MAT2B: variants seen among roughly 807,000 people sequenced by gnomAD.
MAT2B encodes methionine adenosyltransferase 2 subunit beta.
MAT2B carries 16 observed loss-of-function variants against 36.1 expected under a neutral mutation model. The ratio of observed to expected loss-of-function variants is 0.44; its 90% CI spans 0.30 to 0.67. MAT2B has a LOEUF of 0.67. Among genes scored for constraint, MAT2B ranks in the 30% least tolerant of loss-of-function variants. MAT2B has a pLI of 0.09. For synonymous variants in MAT2B, 148 were observed against 136.9 expected, an observed-to-expected ratio of 1.08 and a Z score of -0.57; for missense variants, 332 against 398.2, an observed-to-expected ratio of 0.83 and a Z score of 1.42.
chr5:163,517,848 G>A, intron 6 of MAT2B, 174 bp downstream of exon 6: 1 of 521,606 alleles, frequency 1.9e-6, no homozygotes, highest in South Asian at 3.2e-5. Flanking sequence ...GAGTATTGAA[G>A]TTTGTAGAAA....
At chr5:163,503,391 A>G, upstream of MAT2B, 1 of 1,613,940 alleles carries the variant, frequency 6.2e-7, no homozygotes, top group Non-Finnish European at 8.5e-7. Flanking sequence ...ATAATTCTGG[A>G]GTCATGCCTG....
intron 4 of MAT2B, among the ~76,000 whole-genome samples, chr5:163,515,565 CTATT>C (rs1331602401): frequency 6.6e-6 from 1 of 152,040 alleles, no homozygotes; most frequent in Non-Finnish European, 1.5e-5. Context: ...AAATACAAAT[CTATT>C]TAGGAATTTT....
At chr5:163,514,035 C>A in intron 4 of MAT2B, 41 bp downstream of exon 4, 1 of 1,538,340 alleles carries the variant, frequency 6.5e-7, no homozygotes. Context: ...TTTTTGAAGA[C>A]TTTAAAAATC....
In MAT2B at chr5:163,512,177, A is replaced by C; in HGVS notation, c.239A>C (p.His80Pro). The C allele has an allele frequency of 6.2e-7, 1 of 1,613,990 alleles. No individual in the cohort carries two copies. Among genetic ancestry groups the C allele is most frequent in the Non-Finnish European group, 8.5e-7 (1 of 1,179,822 alleles). Residue 80 changes from histidine (H) to proline (P), a missense_variant, in exon 2 of 7, where the codon CAC becomes CCC. By Grantham distance (77) the His-to-Pro change is moderately conservative. Coordinates refer to ENST00000321757, the MANE Select transcript of MAT2B (RefSeq NM_013283.5). ...CTGTTGGATTCTAATGCAGTTCATCACATCATTCATGATTTTCAGGTATGA... is the reference window on the plus strand; with the variant it reads ...CTGTTGGATTCTAATGCAGTTCATCCCATCATTCATGATTTTCAGGTATGA... Reference protein sequence around the residue: ...VNLLDSNAVHHIIHDFQPHVI... With the variant: ...VNLLDSNAVHPIIHDFQPHVI...
intron 4 of MAT2B, among the ~76,000 whole-genome samples, chr5:163,514,693 A>G (rs1275639297): frequency 6.6e-6 from 1 of 152,152 alleles, no homozygotes; most frequent in Non-Finnish European, 1.5e-5. Flanking sequence ...GTGGCTGCGT[A>G]GTACTTAATT....
rs1300477439 is a variant in MAT2B, at chr5:163,516,724, C to T, written c.720+13C>T. 3.1e-6 allele frequency: 5 copies of T among 1,613,842 alleles called. No homozygotes were observed. The highest frequency in any genetic ancestry group is 4.2e-6 in the Non-Finnish European group (5 of 1,179,756). On this transcript the variant is annotated intron_variant, in intron 5 of 6. Coordinates refer to ENST00000321757, the MANE Select transcript of MAT2B (RefSeq NM_013283.5). ...GAAGAGAATGCTGGTAAGAAGGATT[C>T]CTGAGTCCTGTCTTAGCGAAGGTCC...
In MAT2B at chr5:163,514,001, C is replaced by A; in HGVS notation, c.526+7C>A. 6.2e-7 allele frequency: 1 copy of A among 1,607,334 alleles called. No individual in the cohort carries two copies. ...GTCCTGGAGAACAATCTAGGTAAGA[C>A]CTAATCTATTTAGCCCCTGATTGTT... On this transcript the variant is annotated splice_region_variant and intron_variant, in intron 4 of 6. Transcript: ENST00000321757.
intron 4 of MAT2B, among the ~76,000 whole-genome samples, chr5:163,515,877 C>T (rs2113561364): frequency 7.4e-6 from 1 of 135,568 alleles, no homozygotes; most frequent in African/African-American, 2.7e-5. Context: ...TTGGCTTAAG[C>T]AATCCTCCCA....
At chr5:163,516,419 G>A (rs1292360405) in intron 4 of MAT2B, 99 bp from the exon 5 acceptor site, 4 of 930,848 alleles carry the variant, frequency 4.3e-6, no homozygotes, top group Non-Finnish European at 6.6e-6. Context: ...TAAAAGGCAA[G>A]GTTTCTACTT....
chr5:163,506,562 G>T (rs928826467), intron 1 of MAT2B, among the ~76,000 whole-genome samples: 1 of 152,188 alleles, frequency 6.6e-6, no homozygotes, highest in Non-Finnish European at 1.5e-5. Flanking sequence ...GTCTTTTGGA[G>T]AGAGTAGAGA....
At chr5:163,504,016 C>G (rs1248341088), upstream of MAT2B, among the ~76,000 whole-genome samples, 1 of 152,180 alleles carries the variant, frequency 6.6e-6, no homozygotes, top group African/African-American at 2.4e-5. Context: ...TTCTGTTCCT[C>G]AAGACTAGGC....
Position 163,518,302 on chromosome 5 carries a change from T to A in MAT2B, c.944T>A (p.Ile315Asn). 6.2e-7 allele frequency: 1 copy of A among 1,613,872 alleles called. No individual in the cohort carries two copies. Among genetic ancestry groups the A allele is most frequent in the Non-Finnish European group, 8.5e-7 (1 of 1,179,902 alleles). ...CAACGAACACCATTTCGAATTGGAATCAAAGAATCACTTTGGCCTTTCCTC... is the reference window on the plus strand; with the variant it reads ...CAACGAACACCATTTCGAATTGGAAACAAAGAATCACTTTGGCCTTTCCTC... ...IGQRTPFRIG[I>N]KESLWPFLID... Residue 315 changes from isoleucine to asparagine, a missense_variant, in exon 7 of 7, where the codon ATC becomes AAC. Physicochemically the swap from Ile to Asn is moderately radical, Grantham distance 149. Coordinates refer to ENST00000321757, the MANE Select transcript of MAT2B (RefSeq NM_013283.5).
Position 163,518,393 on chromosome 5 carries a change from T to A in MAT2B, c.*30T>A, listed in dbSNP as rs766078217. 5.9e-5 allele frequency: 85 copies of A among 1,435,686 alleles called. No homozygotes were observed. Among genetic ancestry groups the A allele is most frequent in the African/African-American group, 2.3e-4 (16 of 69,356 alleles). 88.9% of individuals were successfully genotyped at this position (1,435,686 alleles called of 1,614,324 possible). A position where few individuals can be genotyped will look rare whatever the true frequency, so the allele number is the denominator to read the frequency against. On this transcript the variant is annotated 3_prime_UTR_variant, in exon 7 of 7. Transcript: ENST00000321757. ...TTTGTGTTGGGTTCTTTTTTTTTTT[T>A]AAATGAAAAGTATAGTATGTGGCAC...
At chr5:163,506,931 A>T (rs1377374388) in intron 1 of MAT2B, among the ~76,000 whole-genome samples, 1 of 152,208 alleles carries the variant, frequency 6.6e-6, no homozygotes, top group Non-Finnish European at 1.5e-5. Flanking sequence ...GACTCATGAG[A>T]ACGAGAACTG....
At chr5:163,515,778 T>TTTC (rs1467179815) in intron 4 of MAT2B, among the ~76,000 whole-genome samples, 1 of 131,930 alleles carries the variant, frequency 7.6e-6, no homozygotes, top group Admixed American at 7.9e-5. Context: ...TTCTTTTTTT[T>TTTC]TTTTTTTTTT....
Position 163,515,770 on chromosome 5 carries a change from C to CTTTTTTTTTTTTT in MAT2B, c.527-734_527-722dup, listed in dbSNP as rs66978639. Among the ~76,000 whole-genome samples the CTTTTTTTTTTTTT allele has an allele frequency of 7.5e-4, 52 of 69,798 alleles. 11 individuals carry two copies. Among genetic ancestry groups the CTTTTTTTTTTTTT allele is most frequent in the East Asian group, 5.7e-3 (14 of 2,474 alleles). 45.8% of individuals were successfully genotyped at this position (69,798 alleles called of 152,430 possible). On this transcript the variant is annotated intron_variant, in intron 4 of 6. Coordinates refer to ENST00000321757, the MANE Select transcript of MAT2B (RefSeq NM_013283.5). ...TTAACAAATGTGGTTTTGCCTTTTTCTTTTTTTTTTTTTTTTTTTTTTTTT... is the reference window on the plus strand; with the variant it reads ...TTAACAAATGTGGTTTTGCCTTTTTCTTTTTTTTTTTTTTTTTTTTTTTTTTTTTTTTTTTTTT...
intron 1 of MAT2B, 54 bp from the exon 2 acceptor site, chr5:163,511,948 T>C: frequency 1.5e-6 from 2 of 1,342,280 alleles, no homozygotes; most frequent in South Asian, 1.3e-5. Context: ...CTAATATATT[T>C]GAGAGAACTG....
intron 1 of MAT2B, among the ~76,000 whole-genome samples, chr5:163,506,042 G>A (rs1759931992): frequency 6.6e-6 from 1 of 152,172 alleles, no homozygotes; most frequent in African/African-American, 2.4e-5. Flanking sequence ...AGGTTTTTCA[G>A]AATTGTTTGT....
intron 4 of MAT2B, 114 bp downstream of exon 4, chr5:163,514,108 A>G: frequency 1.3e-6 from 1 of 793,380 alleles, no homozygotes; most frequent in Non-Finnish European, 1.8e-6. Context: ...ATCATTAGAG[A>G]AAAATTAGAA....
Sources: allele counts gnomAD v4.1 joint callset (sites outside exome capture counted in the v4.1 genomes callset), GRCh38; gene constraint gnomAD v4.1.1; transcripts MANE v1.5; gene names NCBI Gene and HGNC (gene_info 2026-07-23, HGNC 2026-07-21).